The following CHST9 variants were observed in gnomAD, a reference collection of about 807,000 sequenced individuals.
CHST9 encodes the protein GalNAc-4-sulfotransferase 2.
In CHST9, 41 loss-of-function variants were observed where a neutral mutation model predicts 44.4. The observed-to-expected ratio is 0.92, with a 90% CI of 0.72 to 1.20. The LOEUF is 1.20. CHST9 is among the 50% of genes most tolerant of loss of function. The probability of loss-of-function intolerance (pLI) is 0.00; values close to 1 mark genes in which losing one functional copy is unlikely to be tolerated. For missense variants in CHST9, 504 were observed against 516.5 expected, an observed-to-expected ratio of 0.98 and a Z score of 0.23; for synonymous variants, 171 against 178.4, an observed-to-expected ratio of 0.96 and a Z score of 0.33.
At chr18:26,918,539 T>A (rs184083863) in intron 5 of CHST9, among the ~76,000 whole-genome samples, 388 of 152,252 alleles carry the variant, frequency 2.5e-3, no homozygotes, top group South Asian at 7.1e-3. Context: ...TATGTGTGTG[T>A]GTGTATACAC....
In CHST9 at chr18:27,004,312, G is replaced by A. The variant is rs540618756; in HGVS notation, c.202+19804C>T. On this transcript the variant is annotated intron_variant, in intron 4 of 5. Coordinates refer to ENST00000618847, the MANE Select transcript of CHST9 (RefSeq NM_031422.6). ...AGCAATGAAAAGAATCAAGCAGGGC[G>A]GGGGCGTTTTGCTAGGCTTTTCTTT... Among the ~76,000 whole-genome samples, 13 of 150,550 alleles carry A rather than the reference G, an allele frequency of 8.6e-5. No homozygotes were observed. The East Asian group carries it at 2.2e-3, about 25-fold the overall frequency.
At chr18:26,989,358 A>G (rs9950777) in intron 4 of CHST9, among the ~76,000 whole-genome samples, 174 of 152,340 alleles carry the variant, frequency 1.1e-3, no homozygotes, top group African/African-American at 4.0e-3. Flanking sequence ...TCACAGGAAT[A>G]TAAATTAAAG....
chr18:27,053,347 AG>A (rs67100119), intron 2 of CHST9, among the ~76,000 whole-genome samples: 91,290 of 117,532 alleles, frequency 0.78, 36,795 homozygotes, highest in Non-Finnish European at 0.8. Context: ...AAAAAAAAAA[AG>A]CAATAATTAT....
At chr18:27,158,787 G>A (rs1314410036) in intron 1 of CHST9, among the ~76,000 whole-genome samples, 1 of 150,736 alleles carries the variant, frequency 6.6e-6, no homozygotes, top group Non-Finnish European at 1.5e-5. Flanking sequence ...ACTTTTTAAT[G>A]ATTGCCATTC....
chr18:27,031,100 C>T (rs563989017), intron 3 of CHST9, among the ~76,000 whole-genome samples: 60 of 152,306 alleles, frequency 3.9e-4, no homozygotes, highest in African/African-American at 1.3e-3. Flanking sequence ...GGTAGCCTGC[C>T]TTAATCTTGC....
intron 5 of CHST9, among the ~76,000 whole-genome samples, chr18:26,942,354 C>T (rs1037710025): frequency 6.6e-6 from 1 of 152,096 alleles, no homozygotes; most frequent in Non-Finnish European, 1.5e-5. Flanking sequence ...AAGGAGACGA[C>T]GATCTGTTCT....
chr18:27,002,215 T>G (rs917616334), intron 4 of CHST9, among the ~76,000 whole-genome samples: 2 of 150,614 alleles, frequency 1.3e-5, no homozygotes, highest in Non-Finnish European at 2.9e-5. Context: ...CCTGGAGGCC[T>G]GCACCATCCT....
chr18:27,135,913 G>A (rs2058509954), intron 2 of CHST9, among the ~76,000 whole-genome samples: 1 of 152,304 alleles, frequency 6.6e-6, no homozygotes, highest in African/African-American at 2.4e-5. Flanking sequence ...CAAGTCTCAC[G>A]TGACGCTGTT....
chr18:27,171,257 T>C (rs1437713479), intron 1 of CHST9, among the ~76,000 whole-genome samples: 1 of 152,126 alleles, frequency 6.6e-6, no homozygotes, highest in Non-Finnish European at 1.5e-5. Context: ...AAGTGGCTTA[T>C]GAACTAGAGG....
chr18:27,127,204 C>A (rs996883428), intron 2 of CHST9, among the ~76,000 whole-genome samples: 4 of 151,910 alleles, frequency 2.6e-5, no homozygotes, highest in African/African-American at 9.7e-5. Context: ...CACAGGGAAT[C>A]CAAGTAGAGT....
chr18:27,112,846 C>T (rs1331212560), intron 2 of CHST9, among the ~76,000 whole-genome samples: 1 of 152,108 alleles, frequency 6.6e-6, no homozygotes, highest in Non-Finnish European at 1.5e-5. Flanking sequence ...CCATACATCC[C>T]TAAGAATATG....
intron 2 of CHST9, among the ~76,000 whole-genome samples, chr18:27,141,591 CAAAAAAAAAAAAAA>C (rs34920055): frequency 8.0e-5 from 4 of 50,098 alleles, no homozygotes; most frequent in Non-Finnish European, 1.4e-4. Context: ...AATCCCGACT[CAAAAAAAAAAAAAA>C]AAAAAAAAAA....
chr18:27,121,071 G>A (rs549379693), intron 2 of CHST9, among the ~76,000 whole-genome samples: 11 of 152,200 alleles, frequency 7.2e-5, no homozygotes, highest in East Asian at 3.9e-4. Flanking sequence ...GCACAATCAC[G>A]GCTCACTGAA....
intron 1 of CHST9, among the ~76,000 whole-genome samples, chr18:27,166,231 T>TTTTCA (rs2058789130): frequency 6.6e-6 from 1 of 152,152 alleles, no homozygotes; most frequent in East Asian, 1.9e-4. Context: ...CTACTAGACA[T>TTTTCA]TTTCATTTGT....
intron 5 of CHST9, among the ~76,000 whole-genome samples, chr18:26,942,763 G>A (rs1033079507): frequency 1.3e-5 from 2 of 152,158 alleles, no homozygotes; most frequent in Admixed American, 1.3e-4. Flanking sequence ...GCTAACCATT[G>A]CTGAGCCTCA....
chr18:26,974,275 T>C (rs1307074653), intron 4 of CHST9, among the ~76,000 whole-genome samples: 1 of 152,232 alleles, frequency 6.6e-6, no homozygotes, highest in Non-Finnish European at 1.5e-5. Flanking sequence ...ATGGCAAAGA[T>C]GGTTAACTAG....
At chr18:27,043,409 G>A (rs1178883504) in intron 3 of CHST9, among the ~76,000 whole-genome samples, 4 of 151,780 alleles carry the variant, frequency 2.6e-5, no homozygotes, top group African/African-American at 9.7e-5. Flanking sequence ...ACATAGATAC[G>A]ACTTAATTTA....
At chr18:26,921,930 A>G (rs951266194) in intron 5 of CHST9, among the ~76,000 whole-genome samples, 1 of 152,224 alleles carries the variant, frequency 6.6e-6, no homozygotes, top group African/African-American at 2.4e-5. Flanking sequence ...GCTATTTTAC[A>G]TCTCATAATA....
At chr18:27,060,919 A>C (rs2143612284) in intron 2 of CHST9, among the ~76,000 whole-genome samples, 1 of 152,322 alleles carries the variant, frequency 6.6e-6, no homozygotes, top group African/African-American at 2.4e-5. Flanking sequence ...GTGCCATCAC[A>C]TCCAGCTATA....
Sources: gnomAD v4.1 joint callset for allele counts (sites outside exome capture counted in the v4.1 genomes callset) on GRCh38, gnomAD v4.1.1 for gene constraint, MANE v1.5 for transcripts, NCBI Gene and HGNC (gene_info 2026-07-23, HGNC 2026-07-21) for gene names.